SLC6A13: variants seen among roughly 807,000 people sequenced by gnomAD.
The protein encoded by SLC6A13 is sodium- and chloride-dependent GABA transporter 2.
SLC6A13 carries 69 observed loss-of-function variants against 72.9 expected under a neutral mutation model. The observed-to-expected ratio is 0.95, with a 90% CI of 0.78 to 1.16. The LOEUF (loss-of-function observed/expected upper bound fraction) is 1.16, where lower values mean the gene tolerates loss of function less well. SLC6A13 is among the 50% of genes most tolerant of loss of function. The pLI is 0.00. For missense variants in SLC6A13, 735 were observed against 760.5 expected, an observed-to-expected ratio of 0.97 and a Z score of 0.39; for synonymous variants, 303 against 303.0, an observed-to-expected ratio of 1.00 and a Z score of 0.00.
chr12:236,367 C>A (rs542145828), intron 6 of SLC6A13, among the ~76,000 whole-genome samples: 7 of 151,708 alleles, frequency 4.6e-5, no homozygotes, highest in African/African-American at 1.7e-4. Flanking sequence ...CTGTAAAATT[C>A]CTCTCTTTAT....
chr12:261,427 A>G (rs1173926168), intron 1 of SLC6A13, among the ~76,000 whole-genome samples: 2 of 152,196 alleles, frequency 1.3e-5, no homozygotes, highest in Non-Finnish European at 2.9e-5. Context: ...CTTTGATTAC[A>G]TTGGCTGCCT....
In SLC6A13 at chr12:243,764, A is replaced by G; in HGVS notation, c.252T>C (p.Pro84=). The change falls in exon 3 of 15, where the codon CCT becomes CCC. Residue 84 remains proline, a synonymous_variant. Coordinates refer to ENST00000343164, the MANE Select transcript of SLC6A13 (RefSeq NM_016615.5). ...CTAGTGCTGTCTCCAGAAGGAAGAC[A>G]GGAATGCCACAGGTAAAGAGGAAGA... ...YLVFLFTCGI[P]VFLLETALGQ... The G allele has an allele frequency of 6.2e-7, 1 of 1,614,216 alleles. No individual in the cohort carries two copies. Among genetic ancestry groups the G allele is most frequent in the Non-Finnish European group, 8.5e-7 (1 of 1,180,016 alleles).
At chr12:236,169 G>T (rs558748306) in intron 6 of SLC6A13, among the ~76,000 whole-genome samples, 1 of 152,172 alleles carries the variant, frequency 6.6e-6, no homozygotes, top group African/African-American at 2.4e-5. Flanking sequence ...TCCCTCAGAA[G>T]CATGTGATCT....
chr12:244,426 C>T (rs979240358), intron 2 of SLC6A13, among the ~76,000 whole-genome samples: 3 of 152,178 alleles, frequency 2.0e-5, no homozygotes, highest in Non-Finnish European at 4.4e-5. Context: ...CAGTGGCTCA[C>T]GCCTGTAATC....
At chr12:223,264 A>G (rs1306746803) in intron 11 of SLC6A13, 30 bp from the exon 12 acceptor site, 1 of 1,452,618 alleles carries the variant, frequency 6.9e-7, no homozygotes, top group Non-Finnish European at 9.6e-7. Flanking sequence ...TTTAAAAAGA[A>G]GTTTATCCAG....
At chr12:241,131 CT>C (rs1459142605) in intron 4 of SLC6A13, among the ~76,000 whole-genome samples, 2 of 151,968 alleles carry the variant, frequency 1.3e-5, no homozygotes, top group Non-Finnish European at 2.9e-5. Flanking sequence ...TGGTGAAACC[CT>C]GTCTCTACTA....
In SLC6A13 at chr12:261,895, C is replaced by T. The variant is rs1942937138; in HGVS notation, c.-6+894G>A. ...GAGCCGAGATCGCGCCACTGCACTC[C>T]AGTCTGGGCAACAAAGCGAGACTCT... is the stretch of plus-strand genomic sequence containing the variant. On this transcript the variant is annotated intron_variant, in intron 1 of 14. Coordinates refer to ENST00000343164, the MANE Select transcript of SLC6A13 (RefSeq NM_016615.5). 2.0e-5 allele frequency among the ~76,000 whole-genome samples: 3 copies of T among 150,938 alleles called. No individual in the cohort carries two copies. In the South Asian group the frequency reaches 6.3e-4, roughly 32 times the overall value.
At chr12:224,236 T>C (rs1185565965) in intron 10 of SLC6A13, 107 bp from the exon 11 acceptor site, 2 of 1,489,692 alleles carry the variant, frequency 1.3e-6, no homozygotes, top group East Asian at 4.6e-5. Flanking sequence ...CCTCACTGTC[T>C]CAGGTCCCCT....
intron 13 of SLC6A13, 46 bp downstream of exon 13, chr12:222,486 C>T (rs758928862): frequency 9.2e-5 from 117 of 1,268,724 alleles, no homozygotes; most frequent in East Asian, 2.7e-4. Context: ...TGCTAGCCAC[C>T]GTCTCTCCCT....
chr12:233,383 AC>A (rs36022517), intron 7 of SLC6A13, among the ~76,000 whole-genome samples: 1 of 151,668 alleles, frequency 6.6e-6, no homozygotes, highest in Admixed American at 6.6e-5. Context: ...TTGCTTTCCA[AC>A]CCCCTTCAGG....
intron 6 of SLC6A13, 47 bp from the exon 7 acceptor site, chr12:235,271 AGCAGGGGCAGGAG>A (rs757169353): frequency 5.0e-5 from 81 of 1,610,582 alleles, no homozygotes; most frequent in Middle Eastern, 4.9e-4. Flanking sequence ...GTGAGGAAGC[AGCAGGGGCAGGAG>A]GCAGGGGCAG....
At chr12:244,555 C>T (rs889255727) in intron 2 of SLC6A13, among the ~76,000 whole-genome samples, 3 of 151,850 alleles carry the variant, frequency 2.0e-5, no homozygotes, top group Admixed American at 6.6e-5. Flanking sequence ...CTGGGCATGG[C>T]TGTGTGTGCC....
chr12:243,630 T>A, intron 3 of SLC6A13, 49 bp downstream of exon 3: 1 of 1,583,166 alleles, frequency 6.3e-7, no homozygotes, highest in East Asian at 2.2e-5. Context: ...CAAACAAGGT[T>A]TATAACCACG....
At chr12:238,351 GAAT>G in intron 4 of SLC6A13, 9 of 1,318,838 alleles carry the variant, frequency 6.8e-6, no homozygotes, top group Non-Finnish European at 8.9e-6. Flanking sequence ...CACCTTCGAG[GAAT>G]AATAAGAGGG....
chr12:224,717 T>C (rs1023903170), intron 9 of SLC6A13, among the ~76,000 whole-genome samples: 4 of 152,226 alleles, frequency 2.6e-5, no homozygotes, highest in Admixed American at 2.6e-4. Context: ...TACCTCTCAC[T>C]GTATTCTTAC....
At chr12:259,823 T>C (rs1014661243) in intron 2 of SLC6A13, 28 bp downstream of exon 2, 2 of 1,614,018 alleles carry the variant, frequency 1.2e-6, no homozygotes, top group Non-Finnish European at 1.7e-6. Flanking sequence ...CAGGAGTGGG[T>C]GGGGTGGCAC....
At chr12:222,904 G>A (rs954643823) in intron 12 of SLC6A13, among the ~76,000 whole-genome samples, 1 of 152,206 alleles carries the variant, frequency 6.6e-6, no homozygotes, top group Non-Finnish European at 1.5e-5. Context: ...CAGGATACTG[G>A]CCCACCTGAG....
In SLC6A13 at chr12:235,095, G is replaced by GA; in HGVS notation, c.825dup (p.Pro276SerfsTer74). ...TCCTGTCTGTGGCTTCTTACCTGGG[G>GA]ATCCCACAGACGCGTGAGGTTTGGG... On this transcript the variant is annotated frameshift_variant, in exon 7 of 15. Transcript: ENST00000343164. LOFTEE classifies it high-confidence loss of function. 2 of 1,614,194 alleles carry GA rather than the reference G, an allele frequency of 1.2e-6. No individual in the cohort carries two copies. The highest frequency in any genetic ancestry group is 1.7e-6 in the Non-Finnish European group (2 of 1,180,022).
At chr12:234,494 T>C (rs1435251504) in intron 7 of SLC6A13, among the ~76,000 whole-genome samples, 1 of 152,180 alleles carries the variant, frequency 6.6e-6, no homozygotes, top group Non-Finnish European at 1.5e-5. Flanking sequence ...TATTTTATTT[T>C]ATTTCATTTT....
Sources: gnomAD v4.1 joint callset for allele counts (sites outside exome capture counted in the v4.1 genomes callset) on GRCh38, gnomAD v4.1.1 for gene constraint, MANE v1.5 for transcripts, NCBI Gene and HGNC (gene_info 2026-07-23, HGNC 2026-07-21) for gene names.